The following XRN2 variants were observed in gnomAD, a reference collection of about 807,000 sequenced individuals.
XRN2 encodes DHM1-like protein.
A neutral mutation model predicts 138.5 loss-of-function variants in XRN2; 44 were observed. The ratio of observed to expected loss-of-function variants is 0.32; its 90% CI spans 0.25 to 0.41. The LOEUF is 0.41. XRN2 is among the 10% of genes least tolerant of loss of function. The pLI, the probability that XRN2 is intolerant of heterozygous loss-of-function variation, is 1.00. For synonymous variants in XRN2, 354 were observed against 369.4 expected (o/e 0.96, Z 0.48); for missense variants, 937 against 1,169.3 (o/e 0.80, Z 2.90).
intron 24 of XRN2, 36 bp from the exon 25 acceptor site, chr20:21,365,385 A>T (rs1425515995): frequency 8.8e-6 from 14 of 1,596,972 alleles, no homozygotes; most frequent in Non-Finnish European, 1.1e-5. Flanking sequence ...AGGCTGATAT[A>T]ATCAGATCAT....
chr20:21,317,905 T>A (rs1001444716), intron 1 of XRN2, among the ~76,000 whole-genome samples: 18 of 152,288 alleles, frequency 1.2e-4, no homozygotes, highest in African/African-American at 3.8e-4. Context: ...GTCTGCAGTT[T>A]TTTCTTTTAT....
At chr20:21,304,279 C>T (rs1246742613) in intron 1 of XRN2, among the ~76,000 whole-genome samples, 2 of 151,142 alleles carry the variant, frequency 1.3e-5, no homozygotes, top group Non-Finnish European at 2.9e-5. Context: ...CGTTCAGAGG[C>T]ACATCACGCG....
intron 13 of XRN2, among the ~76,000 whole-genome samples, chr20:21,337,541 A>C (rs1364338712): frequency 2.0e-5 from 3 of 152,140 alleles, no homozygotes; most frequent in Non-Finnish European, 4.4e-5. Flanking sequence ...CAGCATGTAG[A>C]TGGTGTTCAA....
intron 1 of XRN2, among the ~76,000 whole-genome samples, chr20:21,320,279 G>GTATGTATTTATT (rs1456669385): frequency 4.5e-5 from 4 of 88,700 alleles, no homozygotes; most frequent in Non-Finnish European, 7.4e-5. Flanking sequence ...ATTTATTTAT[G>GTATGTATTTATT]TATTTATTTA....
Position 21,386,965 on chromosome 20 carries a change from G to A in XRN2, c.2746G>A (p.Gly916Ser), listed in dbSNP as rs2038943099. The change falls in exon 29 of 30, where the codon GGT (glycine) becomes AGT (serine). Residue 916 changes from glycine (G) to serine (S), a missense_variant. Transcript: ENST00000377191. The part of the protein sequence containing the change: ...PNQYQMLAGP[G>S]GYPPRRDDRG... ...CCAGTACCAGATGCTAGCTGGGCCT[G>A]GTGGGTATCCACCCAGACGAGATGA... 6.8e-6 allele frequency: 11 copies of A among 1,613,848 alleles called. No individual in the cohort carries two copies. The highest frequency in any genetic ancestry group is 9.3e-6 in the Non-Finnish European group (11 of 1,179,740).
chr20:21,303,765 C>T (rs2037773816), intron 1 of XRN2: 1 of 1,179,994 alleles, frequency 8.5e-7, no homozygotes, highest in Non-Finnish European at 1.0e-6. Context: ...GAAGGCCCCG[C>T]CCACTGCTTT....
chr20:21,361,851 C>CAT (rs1300695183), intron 24 of XRN2, among the ~76,000 whole-genome samples: 1 of 152,126 alleles, frequency 6.6e-6, no homozygotes, highest in African/African-American at 2.4e-5. Flanking sequence ...TTTCTAAAAA[C>CAT]ATAGTAGATC....
chr20:21,388,883 A>G (rs2038961402), intron 29 of XRN2, among the ~76,000 whole-genome samples: 2 of 152,186 alleles, frequency 1.3e-5, no homozygotes, highest in African/African-American at 4.8e-5. Flanking sequence ...GTTAAAGCAA[A>G]GTTACTTTCC....
intron 1 of XRN2, among the ~76,000 whole-genome samples, chr20:21,323,296 T>C (rs2038074190): frequency 6.6e-6 from 1 of 152,182 alleles, no homozygotes; most frequent in South Asian, 2.1e-4. Flanking sequence ...AGTAGATTTG[T>C]TTGTTTGTTT....
Position 21,348,378 on chromosome 20 carries a change from C to T in XRN2, c.1811C>T (p.Ala604Val). The T allele has an allele frequency of 6.2e-7, 1 of 1,614,012 alleles. No homozygotes were observed. Among genetic ancestry groups the T allele is most frequent in the Non-Finnish European group, 8.5e-7 (1 of 1,179,994 alleles). ...GAACAACTTATGGGGGTATTTCCAG[C>T]TGCAAGTGGTAATTTTCTACCTCCA... Reference protein sequence around the residue: ...PLEQLMGVFPAASGNFLPPSW... With the variant: ...PLEQLMGVFPVASGNFLPPSW... The change falls in exon 19 of 30, where the codon GCT becomes GTT. Residue 604 changes from alanine (A) to valine (V), a missense_variant. This residue lies in a region of XRN2 where 5 missense variants were observed against 21.7 expected (regional missense o/e 0.23). Coordinates refer to ENST00000377191, the MANE Select transcript of XRN2 (RefSeq NM_012255.5).
intron 29 of XRN2, among the ~76,000 whole-genome samples, chr20:21,388,319 A>G (rs1337456879): frequency 6.6e-6 from 1 of 152,210 alleles, no homozygotes; most frequent in Non-Finnish European, 1.5e-5. Context: ...ACAGGAGGTA[A>G]AATTCTTATT....
intron 29 of XRN2, among the ~76,000 whole-genome samples, chr20:21,388,232 C>T (rs1398611478): frequency 2.0e-5 from 3 of 152,182 alleles, no homozygotes; most frequent in Non-Finnish European, 2.9e-5. Context: ...TAGCTGGCTG[C>T]CTAGACTGCT....
In XRN2 at chr20:21,346,442, G is replaced by A. The variant is rs781388236; in HGVS notation, c.1557G>A (p.Arg519=). ...TATGGGAAGCTGGCTGGAAGCAGCG[G>A]TACTACAAGAACAAATTTGATGTGG... is the stretch of plus-strand genomic sequence containing the variant. ...VRLWEAGWKQ[R]YYKNKFDVDA... The change falls in exon 17 of 30, where the codon CGG becomes CGA. Residue 519 remains arginine, a synonymous_variant. Transcript: ENST00000377191. 7 of 1,614,148 alleles carry A rather than the reference G, an allele frequency of 4.3e-6. No individual in the cohort carries two copies. In the South Asian group the frequency reaches 5.5e-5, roughly 13 times the overall value.
rs150251530 is a variant in XRN2 at position 21,382,799 on chromosome 20, T to G, written c.2648+742T>G. On this transcript the variant is annotated intron_variant, in intron 28 of 29. Transcript: ENST00000377191. ...ACAAGACAACTAGGCACATTATGAA[T>G]AATTAACATCTGTAGAATAATTTTT... 4.9e-4 allele frequency among the ~76,000 whole-genome samples: 74 copies of G among 152,344 alleles called. 2 individuals are homozygous for G. In the East Asian group the frequency reaches 0.013, roughly 27 times the overall value.
At chr20:21,359,657 T>A (rs551589994) in intron 24 of XRN2, among the ~76,000 whole-genome samples, 7 of 152,290 alleles carry the variant, frequency 4.6e-5, no homozygotes, top group African/African-American at 1.7e-4. Flanking sequence ...CAAAGTTAAC[T>A]TTTCCCTTAG....
intron 27 of XRN2, among the ~76,000 whole-genome samples, chr20:21,381,374 A>C (rs1568600095): frequency 1.3e-5 from 2 of 152,208 alleles, no homozygotes; most frequent in Non-Finnish European, 1.5e-5. Context: ...TTTATGTAGA[A>C]GAGCAGGAGC....
At chr20:21,375,796 C>G (rs995757753) in intron 27 of XRN2, among the ~76,000 whole-genome samples, 3 of 149,098 alleles carry the variant, frequency 2.0e-5, no homozygotes, top group African/African-American at 7.4e-5. Flanking sequence ...CCCACTCCCA[C>G]CAATACCAGG....
intron 23 of XRN2, among the ~76,000 whole-genome samples, chr20:21,357,114 A>G (rs977643132): frequency 7.5e-6 from 1 of 132,468 alleles, no homozygotes; most frequent in African/African-American, 2.8e-5. Context: ...TTTTATAAGA[A>G]TGTTATTTAT....
chr20:21,337,298 G>A (rs2038309413), intron 13 of XRN2, among the ~76,000 whole-genome samples: 2 of 152,180 alleles, frequency 1.3e-5, no homozygotes, highest in African/African-American at 4.8e-5. Flanking sequence ...GATCATCAGA[G>A]GCAGTTGGAT....
Sources: allele counts gnomAD v4.1 joint callset (sites outside exome capture counted in the v4.1 genomes callset), GRCh38; gene constraint gnomAD v4.1.1; regional missense constraint gnomAD v4.1.1; transcripts MANE v1.5; gene names NCBI Gene and HGNC (gene_info 2026-07-23, HGNC 2026-07-21).